EPB41L2: variants seen among roughly 807,000 people sequenced by gnomAD.
EPB41L2 encodes band 4.1-like protein 2.
In EPB41L2, 43 loss-of-function variants were observed where a neutral mutation model predicts 113.0. The observed-to-expected ratio is 0.38, with a 90% confidence interval of 0.30 to 0.49. The LOEUF (loss-of-function observed/expected upper bound fraction) is 0.49, where lower values mean the gene tolerates loss of function less well. EPB41L2 is among the 20% of genes least tolerant of loss of function. EPB41L2 has a pLI of 0.95. For missense variants in EPB41L2, 1,147 were observed against 1,223.4 expected (o/e 0.94, Z 0.93); for synonymous variants, 442 against 436.7 (o/e 1.01, Z -0.15).
In EPB41L2 at chr6:130,865,531, T is replaced by C; in HGVS notation, c.2829+5A>G. 6.2e-7 allele frequency: 1 copy of C among 1,613,982 alleles called. No individual in the cohort carries two copies. The highest frequency in any genetic ancestry group is 8.5e-7 in the Non-Finnish European group (1 of 1,179,880). On this transcript the variant is annotated splice_donor_5th_base_variant and intron_variant, in intron 17 of 19. Transcript: ENST00000337057. The stretch of plus-strand genomic sequence containing the variant: ...CTCTCCATATGATCCCCTGCATTGC[T>C]TTACCTTGGTGATGTGTGTGGTTGT...
chr6:130,886,194 C>A (rs372067547), intron 11 of EPB41L2, among the ~76,000 whole-genome samples: 16 of 152,136 alleles, frequency 1.1e-4, no homozygotes, highest in African/African-American at 3.6e-4. Flanking sequence ...CTTTAGACTG[C>A]AAGCTCTTGG....
At chr6:130,930,184 T>C (rs567920464) in intron 3 of EPB41L2, among the ~76,000 whole-genome samples, 1 of 152,206 alleles carries the variant, frequency 6.6e-6, no homozygotes, top group South Asian at 2.1e-4. Context: ...CATTATTCCT[T>C]TCACTTGGGA....
intron 1 of EPB41L2, among the ~76,000 whole-genome samples, chr6:130,966,164 C>T (rs1348610588): frequency 6.6e-6 from 1 of 152,184 alleles, no homozygotes; most frequent in South Asian, 2.1e-4. Flanking sequence ...GGTAAGGTAT[C>T]CTACAGATAT....
intron 3 of EPB41L2, among the ~76,000 whole-genome samples, chr6:130,934,300 T>C (rs1225741677): frequency 6.6e-6 from 1 of 152,298 alleles, no homozygotes; most frequent in Middle Eastern, 3.4e-3. Context: ...ATTCCAGTAG[T>C]AAATGAGACA....
intron 1 of EPB41L2, among the ~76,000 whole-genome samples, chr6:131,014,826 G>T (rs569682417): frequency 6.2e-4 from 95 of 152,222 alleles, no homozygotes; most frequent in African/African-American, 2.2e-3. Context: ...TGTAAAATAT[G>T]CTCAAATTCA....
intron 1 of EPB41L2, among the ~76,000 whole-genome samples, chr6:131,036,576 C>T (rs1481668676): frequency 6.6e-6 from 1 of 152,138 alleles, no homozygotes; most frequent in African/African-American, 2.4e-5. Flanking sequence ...ACAGTTCTTG[C>T]CTCAAGTTTT....
In EPB41L2 at chr6:130,956,310, A is replaced by C; in HGVS notation, c.176T>G (p.Leu59Arg). ...TTCCTTCTCTCTCTTCTGGCGGCGT[A>C]GACTACTTTGGCTTTCAGCTGCAGG... ...PPPAAESQSS[L>R]RRQKREKETS... The change falls in exon 2 of 20, where the codon CTA becomes CGA. Residue 59 changes from leucine (L) to arginine (R), a missense_variant. Physicochemically the swap from Leu to Arg is moderately radical, Grantham distance 102. Transcript: ENST00000337057. 6.2e-7 allele frequency: 1 copy of C among 1,614,090 alleles called. No individual in the cohort carries two copies. Among genetic ancestry groups the C allele is most frequent in the Non-Finnish European group, 8.5e-7 (1 of 1,180,016 alleles).
chr6:130,904,903 A>G (rs1203932515), intron 5 of EPB41L2, among the ~76,000 whole-genome samples: 1 of 138,768 alleles, frequency 7.2e-6, no homozygotes, highest in Non-Finnish European at 1.5e-5. Flanking sequence ...CCTGTTGCCA[A>G]ATATTCTCCA....
intron 7 of EPB41L2, among the ~76,000 whole-genome samples, chr6:130,900,691 G>T (rs1161422667): frequency 6.6e-6 from 1 of 152,154 alleles, no homozygotes; most frequent in Non-Finnish European, 1.5e-5. Context: ...TGTGTTAGGG[G>T]GATAGGGAGA....
At chr6:130,941,172 A>G (rs1474453588) in intron 3 of EPB41L2, among the ~76,000 whole-genome samples, 1 of 152,196 alleles carries the variant, frequency 6.6e-6, no homozygotes, top group Non-Finnish European at 1.5e-5. Context: ...TGACTTCCTT[A>G]ACTTCTCATT....
intron 1 of EPB41L2, among the ~76,000 whole-genome samples, chr6:130,991,324 G>A (rs544279127): frequency 6.6e-6 from 1 of 152,320 alleles, no homozygotes; most frequent in South Asian, 2.1e-4. Context: ...GTGCTAAGTA[G>A]CTTAAGAAAC....
chr6:130,965,949 T>C (rs923269996), intron 1 of EPB41L2, among the ~76,000 whole-genome samples: 3 of 152,014 alleles, frequency 2.0e-5, no homozygotes, highest in Non-Finnish European at 2.9e-5. Context: ...TCCAATCTTG[T>C]GGCTTCCCTG....
chr6:130,888,007 A>G (rs537791258), intron 11 of EPB41L2, among the ~76,000 whole-genome samples: 25 of 152,200 alleles, frequency 1.6e-4, no homozygotes, highest in Non-Finnish European at 3.1e-4. Context: ...CTTGCTATGT[A>G]ATCATAAGAG....
At chr6:131,005,944 C>A (rs1353254150) in intron 1 of EPB41L2, among the ~76,000 whole-genome samples, 2 of 152,178 alleles carry the variant, frequency 1.3e-5, no homozygotes, top group African/African-American at 4.8e-5. Flanking sequence ...AAAGCCTTCT[C>A]CCTGACAGCA....
chr6:130,876,865 G>T, intron 14 of EPB41L2: 18 of 659,620 alleles, frequency 2.7e-5, no homozygotes, highest in Non-Finnish European at 3.8e-5. Context: ...ACCCAGTGTG[G>T]GTCAATGACA....
chr6:130,841,951 G>A (rs73775303), intron 19 of EPB41L2, among the ~76,000 whole-genome samples: 1,838 of 152,274 alleles, frequency 0.012, 32 homozygotes, highest in South Asian at 0.039. Flanking sequence ...CCCTGAAAGA[G>A]AAAAGGGTTT....
At chr6:130,957,897 T>A (rs1481458138) in intron 1 of EPB41L2, among the ~76,000 whole-genome samples, 3 of 152,200 alleles carry the variant, frequency 2.0e-5, no homozygotes, top group Non-Finnish European at 4.4e-5. Context: ...CTGGCAACCT[T>A]ACGAATATAT....
At chr6:130,973,856 C>T (rs935195465) in intron 1 of EPB41L2, among the ~76,000 whole-genome samples, 8 of 152,192 alleles carry the variant, frequency 5.3e-5, no homozygotes, top group Non-Finnish European at 8.8e-5. Flanking sequence ...ACCATGGGCA[C>T]ATGTCGTCAG....
intron 15 of EPB41L2, chr6:130,868,661 G>A (rs1014380455): frequency 6.6e-6 from 1 of 152,072 alleles, no homozygotes; most frequent in Non-Finnish European, 1.5e-5. Flanking sequence ...CCATCCCATC[G>A]AAGAGAACAA....
Sources: allele counts gnomAD v4.1 joint callset (sites outside exome capture counted in the v4.1 genomes callset), GRCh38; gene constraint gnomAD v4.1.1; transcripts MANE v1.5; gene names NCBI Gene and HGNC (gene_info 2026-07-23, HGNC 2026-07-21).